GLCCI1: variants seen among roughly 807,000 people sequenced by gnomAD.
GLCCI1 encodes glucocorticoid induced 1.
Under a neutral mutation model 52.2 loss-of-function variants are expected in GLCCI1, and 24 were observed. The observed-to-expected ratio is 0.46, with a 90% confidence interval of 0.33 to 0.65. GLCCI1 has a LOEUF of 0.65. GLCCI1 is among the 30% of genes least tolerant of loss of function. GLCCI1 has a pLI of 0.02. For synonymous variants in GLCCI1, 310 were observed against 276.5 expected, an observed-to-expected ratio of 1.12 and a Z score of -1.20; for missense variants, 704 against 701.5, an observed-to-expected ratio of 1.00 and a Z score of -0.04.
chr7:8,016,195 C>T (rs1002699574), intron 2 of GLCCI1, among the ~76,000 whole-genome samples: 23 of 152,168 alleles, frequency 1.5e-4, no homozygotes, highest in African/African-American at 2.9e-4. Flanking sequence ...ATCGCCCGGG[C>T]GCGGTGGCTT....
intron 3 of GLCCI1, among the ~76,000 whole-genome samples, chr7:8,047,540 AT>A (rs1364845062): frequency 1.5e-4 from 23 of 152,370 alleles, no homozygotes; most frequent in African/African-American, 5.3e-4. Flanking sequence ...ACTTTTTAGC[AT>A]TCATTATCAG....
chr7:8,023,900 T>A (rs1393217983), intron 3 of GLCCI1, among the ~76,000 whole-genome samples: 2 of 152,106 alleles, frequency 1.3e-5, no homozygotes, highest in Non-Finnish European at 2.9e-5. Flanking sequence ...CACCAGGCCA[T>A]GATCATTCTT....
chr7:8,034,860 C>G (rs1295945229), intron 3 of GLCCI1, among the ~76,000 whole-genome samples: 1 of 152,188 alleles, frequency 6.6e-6, no homozygotes, highest in Non-Finnish European at 1.5e-5. Context: ...AGTTCCTCTG[C>G]CCTTATGAAC....
At chr7:8,035,490 G>T (rs144387168) in intron 3 of GLCCI1, among the ~76,000 whole-genome samples, 10 of 152,160 alleles carry the variant, frequency 6.6e-5, no homozygotes, top group African/African-American at 2.2e-4. Flanking sequence ...GGCTGTGTCC[G>T]CACTGATAAT....
intron 1 of GLCCI1, among the ~76,000 whole-genome samples, chr7:7,980,072 A>T (rs1583941762): frequency 6.6e-6 from 1 of 152,110 alleles, no homozygotes; most frequent in Admixed American, 6.6e-5. Context: ...GTGTGCCAGC[A>T]CACCTGGCTA....
chr7:8,044,841 A>G (rs546153832), intron 3 of GLCCI1, among the ~76,000 whole-genome samples: 8 of 152,364 alleles, frequency 5.3e-5, no homozygotes, highest in Admixed American at 5.2e-4. Flanking sequence ...CATTTTATCT[A>G]CATTTATGAC....
intron 3 of GLCCI1, chr7:8,024,953 G>A (rs1781581520): frequency 1.3e-5 from 2 of 152,218 alleles, no homozygotes; most frequent in Non-Finnish European, 2.9e-5. Context: ...ACTTGCTATG[G>A]AGAATTGTAG....
At chr7:8,001,238 T>A (rs1192466698) in intron 1 of GLCCI1, among the ~76,000 whole-genome samples, 1 of 152,190 alleles carries the variant, frequency 6.6e-6, no homozygotes, top group African/African-American at 2.4e-5. Flanking sequence ...GGCCTGGTGG[T>A]GACAACATCT....
chr7:8,024,700 G>T (rs1347254195), intron 3 of GLCCI1: 1 of 152,224 alleles, frequency 6.6e-6, no homozygotes, highest in Admixed American at 6.5e-5. Context: ...GAGAACATTT[G>T]ATTGTTTTCC....
chr7:8,059,056 G>A (rs1312875750), intron 4 of GLCCI1, among the ~76,000 whole-genome samples: 1 of 152,156 alleles, frequency 6.6e-6, no homozygotes, highest in Admixed American at 6.5e-5. Context: ...TGAGTAGGCT[G>A]AGGAAGAGAA....
chr7:8,008,501 G>T (rs527486146), intron 2 of GLCCI1, among the ~76,000 whole-genome samples: 8 of 152,146 alleles, frequency 5.3e-5, no homozygotes, highest in African/African-American at 1.7e-4. Flanking sequence ...TTCACCAGTA[G>T]AGAGGCTGGT....
intron 1 of GLCCI1, among the ~76,000 whole-genome samples, chr7:7,976,315 C>T (rs1780467739): frequency 6.6e-6 from 1 of 151,268 alleles, no homozygotes; most frequent in Admixed American, 6.6e-5. Flanking sequence ...CCTGTCTCTA[C>T]TAAAAATACA....
At chr7:7,988,007 A>C (rs1050235140) in intron 1 of GLCCI1, among the ~76,000 whole-genome samples, 1 of 152,132 alleles carries the variant, frequency 6.6e-6, no homozygotes, top group Non-Finnish European at 1.5e-5. Context: ...AGATAATGGG[A>C]GTCTTCTTGG....
At chr7:7,986,388 G>C (rs923034636) in intron 1 of GLCCI1, among the ~76,000 whole-genome samples, 4 of 151,764 alleles carry the variant, frequency 2.6e-5, no homozygotes, top group Non-Finnish European at 5.9e-5. Flanking sequence ...GGGAGGGGGG[G>C]GTGGCAGGCA....
chr7:8,004,060 G>A lies in GLCCI1; in HGVS notation c.609+1G>A. 6.2e-7 allele frequency: 1 copy of A among 1,610,812 alleles called. No homozygotes were observed. Among genetic ancestry groups the A allele is most frequent in the South Asian group, 1.1e-5 (1 of 90,662 alleles). Reference sequence around the variant, plus strand: ...ATGCATGAAAGACAAAGCTACTCAGGTAAAATCAGGAAATCAAAATCAGCT... The same window carrying A: ...ATGCATGAAAGACAAAGCTACTCAGATAAAATCAGGAAATCAAAATCAGCT... On this transcript the variant is annotated splice_donor_variant, in intron 2 of 7. Coordinates refer to ENST00000223145, the MANE Select transcript of GLCCI1 (RefSeq NM_138426.4). LOFTEE classifies it high-confidence loss of function.
chr7:7,994,856 A>C (rs1445122799), intron 1 of GLCCI1, among the ~76,000 whole-genome samples: 2 of 152,202 alleles, frequency 1.3e-5, no homozygotes, highest in Non-Finnish European at 2.9e-5. Context: ...TATTACATAG[A>C]TATACATAGA....
chr7:8,070,867 T>C, intron 5 of GLCCI1, 54 bp from the exon 6 acceptor site: 4 of 1,455,436 alleles, frequency 2.7e-6, no homozygotes, highest in Non-Finnish European at 3.8e-6. Context: ...GTGCTTTCTA[T>C]GTAGATGAAT....
intron 3 of GLCCI1, chr7:8,024,746 A>G (rs1437447996): frequency 1.3e-5 from 2 of 152,260 alleles, no homozygotes; most frequent in Non-Finnish European, 2.9e-5. Context: ...CAAAACTGTC[A>G]AAACAACTGT....
chr7:8,004,726 G>A (rs1781112954), intron 2 of GLCCI1, among the ~76,000 whole-genome samples: 1 of 152,190 alleles, frequency 6.6e-6, no homozygotes, highest in African/African-American at 2.4e-5. Context: ...CTGCAGCACA[G>A]TTAGGTAGAT....
Sources: gnomAD v4.1 joint callset for allele counts (sites outside exome capture counted in the v4.1 genomes callset) on GRCh38, gnomAD v4.1.1 for gene constraint, MANE v1.5 for transcripts, NCBI Gene and HGNC (gene_info 2026-07-23, HGNC 2026-07-21) for gene names.